The following MTG1 variants were observed in gnomAD, a reference collection of about 807,000 sequenced individuals.
MTG1 encodes the protein mitochondrial ribosome associated GTPase 1, also known as mitochondrial ribosome-associated GTPase 1.
Under a neutral mutation model 39.5 loss-of-function variants are expected in MTG1, and 30 were observed. The ratio of observed to expected loss-of-function variants is 0.76; its 90% CI spans 0.57 to 1.03. The LOEUF (loss-of-function observed/expected upper bound fraction) is 1.03, where lower values mean the gene tolerates loss of function less well. Ranked by LOEUF, MTG1 falls within the 50% of genes least tolerant of loss-of-function variation. The probability of loss-of-function intolerance (pLI) is 0.00; values close to 1 mark genes in which losing one functional copy is unlikely to be tolerated. For missense variants in MTG1, 513 were observed against 447.4 expected, an observed-to-expected ratio of 1.15 and a Z score of -1.32; for synonymous variants, 217 against 179.0, an observed-to-expected ratio of 1.21 and a Z score of -1.69.
intron 9 of MTG1, among the ~76,000 whole-genome samples, chr10:133,405,099 G>A (rs1029538928): frequency 6.6e-6 from 1 of 152,150 alleles, no homozygotes; most frequent in Admixed American, 6.5e-5. Flanking sequence ...TGAATTTATA[G>A]GTCAGTCTGG....
intron 1 of MTG1, 183 bp downstream of exon 1, chr10:133,394,515 C>G: frequency 7.5e-7 from 1 of 1,330,860 alleles, no homozygotes. Context: ...ACCCCTTCCC[C>G]TGCGCAGCTG....
At chr10:133,415,086 G>A (rs1320984833) in intron 9 of MTG1, among the ~76,000 whole-genome samples, 1 of 152,238 alleles carries the variant, frequency 6.6e-6, no homozygotes, top group Non-Finnish European at 1.5e-5. Context: ...GAATCAGGCA[G>A]GGAGGTTGCA....
chr10:133,395,234 A>G (rs978060831), intron 1 of MTG1, among the ~76,000 whole-genome samples: 2 of 152,046 alleles, frequency 1.3e-5, no homozygotes, highest in African/African-American at 4.8e-5. Context: ...TCTCTACTAA[A>G]AATACAAAAA....
chr10:133,394,511 T>A (rs1213106959), intron 1 of MTG1, 179 bp downstream of exon 1: 7 of 1,317,278 alleles, frequency 5.3e-6, no homozygotes, highest in Non-Finnish European at 6.8e-6. Context: ...CGGGACCCCT[T>A]CCCCTGCGCA....
chr10:133,399,406 G>A (rs1483433161), intron 5 of MTG1, 123 bp from the exon 6 acceptor site: 2 of 1,200,980 alleles, frequency 1.7e-6, no homozygotes, highest in Non-Finnish European at 2.4e-6. Flanking sequence ...CAGAGCCTCG[G>A]CGTTAACCTC....
chr10:133,408,638 T>G (rs979430529), intron 9 of MTG1, among the ~76,000 whole-genome samples: 5 of 152,258 alleles, frequency 3.3e-5, no homozygotes, highest in African/African-American at 9.6e-5. Context: ...TAGTTCTTCC[T>G]TAACTGTTGA....
In MTG1 at chr10:133,420,375, C is replaced by A. The variant is rs547370069; in HGVS notation, c.*210C>A. 3.8e-5 allele frequency: 19 copies of A among 506,278 alleles called. No individual in the cohort carries two copies. Among genetic ancestry groups the A allele is most frequent in the Non-Finnish European group, 6.1e-5 (18 of 295,856 alleles). The allele number at this position is 506,278 out of a possible 1,614,324, so 31.4% of individuals were successfully genotyped here. A position where few individuals can be genotyped will look rare whatever the true frequency, so the allele number is the denominator to read the frequency against. On this transcript the variant is annotated 3_prime_UTR_variant, in exon 11 of 11. Coordinates refer to ENST00000317502, the MANE Select transcript of MTG1 (RefSeq NM_138384.4). ...AGTGGACACCAGGCTTCCCAGTGGA[C>A]GTCCCTGAGCAGCTCCGCATGCTTG...
chr10:133,399,247 G>A, intron 5 of MTG1, 21 bp downstream of exon 5: 1 of 1,613,776 alleles, frequency 6.2e-7, no homozygotes, highest in East Asian at 2.2e-5. Context: ...GGGGCCCAGA[G>A]CTGGGAGTGG....
At chr10:133,410,659 GTAC>G in intron 9 of MTG1, among the ~76,000 whole-genome samples, 1 of 152,286 alleles carries the variant, frequency 6.6e-6, no homozygotes, top group African/African-American at 2.4e-5. Context: ...TGTACCCTAG[GTAC>G]TCAGGAGGCT....
At position 133,419,540 on chromosome 10, in the gene MTG1, T is replaced by G. The variant is rs150044349; in HGVS notation, c.813T>G (p.Ser271Arg). 9 of 1,609,962 alleles carry G rather than the reference T, an allele frequency of 5.6e-6. No individual in the cohort carries two copies. The highest frequency in any genetic ancestry group is 7.6e-6 in the Non-Finnish European group (9 of 1,178,572). ...ACDNVERVLKSVAVKLGKTQK... is the reference protein window; with the variant it reads ...ACDNVERVLKRVAVKLGKTQK... ...ACAACGTAGAGCGCGTGCTGAAGAG[T>G]GTGGCTGTGAAGCTGGGGAAGACGC... is the stretch of plus-strand genomic sequence containing the variant. The change falls in exon 10 of 11, where the codon AGT becomes AGG. Residue 271 changes from serine (S) to arginine (R), a missense_variant. By Grantham distance (110) the Ser-to-Arg change is moderately radical (BLOSUM62 -1). Coordinates refer to ENST00000317502, the MANE Select transcript of MTG1 (RefSeq NM_138384.4).
At chr10:133,404,917 G>C (rs558089252) in intron 9 of MTG1, among the ~76,000 whole-genome samples, 1 of 152,160 alleles carries the variant, frequency 6.6e-6, no homozygotes, top group Non-Finnish European at 1.5e-5. Flanking sequence ...CTTGGTAACT[G>C]CTTCTAATTT....
rs1849906706 is a variant in MTG1, at chr10:133,402,854, C to G, written c.752+81C>G. The G allele has an allele frequency of 9.2e-7, 1 of 1,084,312 alleles. No homozygotes were observed. Among genetic ancestry groups the G allele is most frequent in the Non-Finnish European group, 1.3e-6 (1 of 753,326 alleles). 67.2% of individuals were successfully genotyped at this position (1,084,312 alleles called of 1,614,324 possible). A position where few individuals can be genotyped will look rare whatever the true frequency, so the allele number is the denominator to read the frequency against. On this transcript the variant is annotated intron_variant, in intron 9 of 10. Transcript: ENST00000317502. The surrounding 1 kb of genome is among the most constrained non-coding windows in gnomAD (Gnocchi z 4.7). ...AAAAAAAAAAACAAACAAAAAAACC[C>G]CCAGCATTATAAAGGTATTATAAAC...
At chr10:133,405,743 A>C (rs1849960271) in intron 9 of MTG1, among the ~76,000 whole-genome samples, 1 of 152,140 alleles carries the variant, frequency 6.6e-6, no homozygotes, top group African/African-American at 2.4e-5. Flanking sequence ...CCTTTGATGG[A>C]CACTTAGGTA....
At chr10:133,415,190 A>C (rs1850105372) in intron 9 of MTG1, among the ~76,000 whole-genome samples, 1 of 151,934 alleles carries the variant, frequency 6.6e-6, no homozygotes, top group African/African-American at 2.4e-5. Flanking sequence ...GGAGAGGGAG[A>C]GGGAGCGGAG....
intron 9 of MTG1, among the ~76,000 whole-genome samples, chr10:133,404,441 A>C (rs1204282262): frequency 1.3e-5 from 2 of 151,508 alleles, no homozygotes; most frequent in African/African-American, 4.9e-5. Flanking sequence ...ACCTTTTTCT[A>C]ATATATTCTG....
At chr10:133,401,195 C>CT (rs1849869653) in intron 6 of MTG1, among the ~76,000 whole-genome samples, 1 of 152,286 alleles carries the variant, frequency 6.6e-6, no homozygotes, top group African/African-American at 2.4e-5. Context: ...CCTCCGCAGT[C>CT]TGACAGTGCC....
rs750665645 is a variant in MTG1 at position 133,396,203 on chromosome 10, T to C, written c.218T>C (p.Leu73Pro). Reference protein sequence around the residue: ...SGRNPLFQETLGLKPHLLVLN... With the variant: ...SGRNPLFQETPGLKPHLLVLN... ...CGCAACCCTCTGTTTCAGGAAACCC[T>C]TGGGCTTAAGCCTCACTTGCTGGTC... The change falls in exon 3 of 11, where the codon CTT becomes CCT. Residue 73 changes from leucine to proline, a missense_variant. Transcript: ENST00000317502. 6.2e-7 allele frequency: 1 copy of C among 1,614,218 alleles called. No homozygotes were observed. Among genetic ancestry groups the C allele is most frequent in the Non-Finnish European group, 8.5e-7 (1 of 1,180,028 alleles).
chr10:133,394,389 C>T (rs956271206), intron 1 of MTG1, 57 bp downstream of exon 1: 14 of 1,383,470 alleles, frequency 1.0e-5, no homozygotes, highest in African/African-American at 4.5e-5. Flanking sequence ...CCTCTGCTTC[C>T]CTCCCACCCC....
At position 133,399,588 on chromosome 10, in the gene MTG1, C is replaced by G. The variant is rs1849841270; in HGVS notation, c.480C>G (p.Ile160Met). 1.9e-6 allele frequency: 3 copies of G among 1,614,076 alleles called. No individual in the cohort carries two copies. Among genetic ancestry groups the G allele is most frequent in the South Asian group, 1.1e-5 (1 of 91,086 alleles). Residue 160 changes from isoleucine (I) to methionine (M), a missense_variant, in exon 6 of 11, where the codon ATC (isoleucine) becomes ATG (methionine). Physicochemically the swap from Ile to Met is conservative, Grantham distance 10. Transcript: ENST00000317502. ...GVPNVGKSSL[I>M]NSLRRQHLRK... is the part of the protein sequence containing the mutation. ...CCAACGTGGGCAAGTCCTCCCTCAT[C>G]AACTCCCTCCGGAGGCAGCACCTCA...
Sources: gnomAD v4.1 joint callset for allele counts (sites outside exome capture counted in the v4.1 genomes callset) on GRCh38, gnomAD v4.1.1 for gene constraint, Gnocchi (gnomAD v3.1) non-coding constraint, MANE v1.5 for transcripts, NCBI Gene and HGNC (gene_info 2026-07-23, HGNC 2026-07-21) for gene names.